Variants in WWOX observed in about 807,000 individuals in gnomAD.
WWOX encodes the protein WW domain containing oxidoreductase.
In WWOX, 69 loss-of-function variants were observed where a neutral mutation model predicts 46.2. The observed-to-expected ratio is 1.49, with a 90% CI of 1.23 to 1.82. The LOEUF (loss-of-function observed/expected upper bound fraction) is 1.82. Among genes scored for constraint, WWOX ranks in the 40% most tolerant of loss-of-function variants. The pLI is 0.00. For synonymous variants in WWOX, 359 were observed against 202.6 expected, an observed-to-expected ratio of 1.77 and a Z score of -6.56; for missense variants, 919 against 542.6, an observed-to-expected ratio of 1.69 and a Z score of -6.89.
intron 8 of WWOX, among the ~76,000 whole-genome samples, chr16:78,464,671 C>T (rs945079215): frequency 6.6e-6 from 1 of 152,138 alleles, no homozygotes; most frequent in Non-Finnish European, 1.5e-5. Context: ...GCTGCTGCCT[C>T]ATTTCTTACG....
chr16:79,049,479 A>C (rs2048126312), intron 8 of WWOX, among the ~76,000 whole-genome samples: 1 of 152,062 alleles, frequency 6.6e-6, no homozygotes, highest in Admixed American at 6.6e-5. Context: ...CAGCTGGGAC[A>C]CTCCACAGAG....
chr16:78,758,529 G>T (rs529410877), intron 8 of WWOX, among the ~76,000 whole-genome samples: 1 of 152,216 alleles, frequency 6.6e-6, no homozygotes, highest in Non-Finnish European at 1.5e-5. Flanking sequence ...TGCCAGTGTC[G>T]TAACGCCACT....
intron 5 of WWOX, among the ~76,000 whole-genome samples, chr16:78,337,130 ACT>A (rs1486858916): frequency 2.0e-5 from 3 of 151,950 alleles, no homozygotes; most frequent in African/African-American, 7.3e-5. Context: ...ATTTTTAAAC[ACT>A]CTGCAGTTCA....
At chr16:78,404,799 C>G (rs2082489284) in intron 6 of WWOX, among the ~76,000 whole-genome samples, 1 of 152,256 alleles carries the variant, frequency 6.6e-6, no homozygotes, top group South Asian at 2.1e-4. Flanking sequence ...AGTTGATTGT[C>G]CATTTTATTA....
intron 8 of WWOX, among the ~76,000 whole-genome samples, chr16:78,918,292 T>C (rs1053346924): frequency 3.3e-5 from 5 of 152,202 alleles, no homozygotes; most frequent in African/African-American, 1.2e-4. Flanking sequence ...ATACATGATA[T>C]TTGTACTTCT....
intron 8 of WWOX, among the ~76,000 whole-genome samples, chr16:78,851,140 G>T (rs1400744357): frequency 1.3e-5 from 2 of 152,138 alleles, no homozygotes; most frequent in East Asian, 3.9e-4. Flanking sequence ...TAACAATATG[G>T]CTTTCACCCT....
intron 8 of WWOX, among the ~76,000 whole-genome samples, chr16:79,112,581 A>T (rs2049437924): frequency 1.3e-5 from 2 of 152,332 alleles, no homozygotes; most frequent in African/African-American, 4.8e-5. Flanking sequence ...TCACTGATGC[A>T]GATATTTCTG....
intron 8 of WWOX, among the ~76,000 whole-genome samples, chr16:78,892,599 G>C (rs1010668635): frequency 6.6e-6 from 1 of 152,178 alleles, no homozygotes; most frequent in Non-Finnish European, 1.5e-5. Context: ...ACTTTTACCT[G>C]TGTTATCTAC....
intron 8 of WWOX, among the ~76,000 whole-genome samples, chr16:78,728,591 T>C (rs79991550): frequency 0.013 from 1,937 of 152,286 alleles, 20 homozygotes; most frequent in South Asian, 0.034. Context: ...AGTGACACCT[T>C]AGCATTCTGA....
intron 8 of WWOX, among the ~76,000 whole-genome samples, chr16:79,168,763 C>T (rs1313070242): frequency 6.6e-6 from 1 of 152,132 alleles, no homozygotes; most frequent in Non-Finnish European, 1.5e-5. Flanking sequence ...AAAGTCATTC[C>T]AGTTTCCCAA....
At chr16:78,696,213 C>A (rs1288269175) in intron 8 of WWOX, among the ~76,000 whole-genome samples, 1 of 152,160 alleles carries the variant, frequency 6.6e-6, no homozygotes, top group African/African-American at 2.4e-5. Context: ...CTCTGCCTGG[C>A]AACTTCCTTA....
Position 78,410,453 on chromosome 16 carries a change from G to C in WWOX, c.606-14417G>C, listed in dbSNP as rs145879318. 2.0e-4 allele frequency among the ~76,000 whole-genome samples: 31 copies of C among 152,148 alleles called. No homozygotes were observed. The East Asian group carries it at 4.8e-3, about 24-fold the overall frequency. Reference sequence around the variant, plus strand: ...TCCCAGTTACTATTTTTGTGACTCAGGAATTTAGGGACAGTTTGGCTGGTT... The same window carrying C: ...TCCCAGTTACTATTTTTGTGACTCACGAATTTAGGGACAGTTTGGCTGGTT... On this transcript the variant is annotated intron_variant, in intron 6 of 8. Transcript: ENST00000566780.
intron 8 of WWOX, among the ~76,000 whole-genome samples, chr16:79,141,915 T>G (rs2050097296): frequency 6.6e-6 from 1 of 152,108 alleles, no homozygotes; most frequent in Non-Finnish European, 1.5e-5. Flanking sequence ...GCAGTGTCCG[T>G]TAGTATGACT....
At chr16:78,305,634 T>A (rs568750420) in intron 5 of WWOX, among the ~76,000 whole-genome samples, 14 of 146,292 alleles carry the variant, frequency 9.6e-5, no homozygotes, top group Non-Finnish European at 1.8e-4. Flanking sequence ...AGGAGCACTT[T>A]AAAAAAAAAA....
At chr16:79,135,548 C>T (rs1462968307) in intron 8 of WWOX, among the ~76,000 whole-genome samples, 2 of 151,976 alleles carry the variant, frequency 1.3e-5, no homozygotes, top group African/African-American at 2.4e-5. Flanking sequence ...CAGCTTATAC[C>T]TTGACTTTCT....
rs572248492 is a variant in WWOX at position 79,050,989 on chromosome 16, A to T, written c.1057-160619A>T. On this transcript the variant is annotated intron_variant, in intron 8 of 8. Coordinates refer to ENST00000566780, the MANE Select transcript of WWOX (RefSeq NM_016373.4). ...TGAGTGCTCCTTGTGAACACAAGAC[A>T]CTGACCCAAATCACACGTCACGGCT... Among the ~76,000 whole-genome samples the T allele has an allele frequency of 3.3e-5, 5 of 152,330 alleles. No individual in the cohort carries two copies. In the East Asian group the frequency reaches 9.6e-4, roughly 29 times the overall value.
At chr16:78,536,945 C>G (rs1441145296) in intron 8 of WWOX, among the ~76,000 whole-genome samples, 2 of 138,770 alleles carry the variant, frequency 1.4e-5, no homozygotes, top group Non-Finnish European at 1.5e-5. Flanking sequence ...GAGAGAGAGT[C>G]TCACTCTGTC....
rs1167487386 is a variant in WWOX at position 78,802,935 on chromosome 16, A to G, written c.1056+370183A>G. 5.0e-5 allele frequency among the ~76,000 whole-genome samples: 5 copies of G among 100,418 alleles called. 2 individuals are homozygous for G. The highest frequency in any genetic ancestry group is 5.1e-4 in the East Asian group (2 of 3,888). The allele number at this position is 100,418 out of a possible 152,430, so 65.9% of individuals were successfully genotyped here. On this transcript the variant is annotated intron_variant, in intron 8 of 8. Transcript: ENST00000566780. Reference sequence around the variant, plus strand: ...CATCTGAAAAAAAAAAAAAAAAAAAAAAAAAAACAACAAACAGAAAAATGA... The same window carrying G: ...CATCTGAAAAAAAAAAAAAAAAAAAGAAAAAAACAACAAACAGAAAAATGA...
Position 78,188,044 on chromosome 16 carries a change from G to T in WWOX, c.516+23755G>T, listed in dbSNP as rs139382517. 4.6e-5 allele frequency among the ~76,000 whole-genome samples: 7 copies of T among 152,262 alleles called. No homozygotes were observed. In the East Asian group the frequency reaches 1.2e-3, roughly 25 times the overall value. Reference sequence around the variant, plus strand: ...ACTAGAGTTATGAGAACTTGGGATTGTGTGGTTTCTTATTCAATCGATTAA... The same window carrying T: ...ACTAGAGTTATGAGAACTTGGGATTTTGTGGTTTCTTATTCAATCGATTAA... On this transcript the variant is annotated intron_variant, in intron 5 of 8. Transcript: ENST00000566780.
Sources: allele counts gnomAD v4.1 joint callset (sites outside exome capture counted in the v4.1 genomes callset), GRCh38; gene constraint gnomAD v4.1.1; transcripts MANE v1.5; gene names NCBI Gene and HGNC (gene_info 2026-07-23, HGNC 2026-07-21).